CHD1L: variants seen among roughly 807,000 people sequenced by gnomAD.
The protein encoded by CHD1L is ATP-dependent chromatin remodeler CHD1L.
In CHD1L, 118 loss-of-function variants were observed where a neutral mutation model predicts 115.9. The ratio of observed to expected loss-of-function variants is 1.02; its 90% CI spans 0.88 to 1.19. CHD1L has a LOEUF of 1.19. Among genes scored for constraint, CHD1L ranks in the 50% most tolerant of loss-of-function variants. CHD1L has a pLI of 0.00. For missense variants in CHD1L, 1,179 were observed against 1,065.3 expected, an observed-to-expected ratio of 1.11 and a Z score of -1.49; for synonymous variants, 411 against 387.1, an observed-to-expected ratio of 1.06 and a Z score of -0.72.
chr1:147,208,143 GGTGA>G, the CHD1L span, among the ~76,000 whole-genome samples: 5,600 of 152,200 alleles, frequency 0.037, 147 homozygotes, highest in South Asian at 0.095. Context: ...TCCTCAGAAA[GGTGA>G]GTGTTATTTC....
the CHD1L span, chr1:147,209,115 C>T: frequency 7.0e-7 from 1 of 1,423,098 alleles, no homozygotes; most frequent in South Asian, 1.2e-5. Flanking sequence ...AAAGCACCCC[C>T]ATTTTCTTCA....
the CHD1L span, among the ~76,000 whole-genome samples, chr1:147,228,316 A>G: frequency 2.6e-5 from 4 of 152,092 alleles, no homozygotes; most frequent in South Asian, 2.1e-4. Flanking sequence ...AGCTTTATCC[A>G]TGTCCCTACA....
chr1:147,273,183 A>T (rs1473530344), intron 12 of CHD1L, among the ~76,000 whole-genome samples: 1 of 152,130 alleles, frequency 6.6e-6, no homozygotes, highest in Non-Finnish European at 1.5e-5. Flanking sequence ...AGCCTAAGAA[A>T]TTTTTCTCAG....
intron 13 of CHD1L, among the ~76,000 whole-genome samples, chr1:147,275,863 A>G (rs781946296): frequency 1.3e-5 from 2 of 151,822 alleles, no homozygotes; most frequent in Non-Finnish European, 2.9e-5. Context: ...TTGGCTACAG[A>G]TAAGGAATCC....
intron 1 of CHD1L, among the ~76,000 whole-genome samples, chr1:147,245,787 C>A (rs1033415717): frequency 1.3e-5 from 2 of 151,744 alleles, no homozygotes; most frequent in Non-Finnish European, 1.5e-5. Context: ...CAGTGATCCT[C>A]CCACCTCAGC....
the CHD1L span, among the ~76,000 whole-genome samples, chr1:147,233,173 C>T: frequency 2.6e-5 from 4 of 151,040 alleles, no homozygotes; most frequent in African/African-American, 7.3e-5. Flanking sequence ...AGGTGAAGAA[C>T]GTCTCTGCCC....
At chr1:147,234,211 C>G in the CHD1L span, among the ~76,000 whole-genome samples, 1 of 152,184 alleles carries the variant, frequency 6.6e-6, no homozygotes, top group African/African-American at 2.4e-5. Flanking sequence ...AGCGTGGGCT[C>G]CCAGAGCTCG....
At chr1:147,276,871 C>A (rs2102761313) in intron 14 of CHD1L, among the ~76,000 whole-genome samples, 1 of 152,052 alleles carries the variant, frequency 6.6e-6, no homozygotes, top group African/African-American at 2.4e-5. Flanking sequence ...TTGTTTTTGC[C>A]CTAAGGATGA....
At chr1:147,187,390 T>C in the CHD1L span, 2 of 631,060 alleles carry the variant, frequency 3.2e-6, no homozygotes, top group Admixed American at 3.0e-5. Flanking sequence ...CATTGGTCAC[T>C]GTCCTTAAGG....
At chr1:147,295,410 T>G (rs201521304) in intron 22 of CHD1L, 21 bp from the exon 23 acceptor site, 1 of 1,559,262 alleles carries the variant, frequency 6.4e-7, no homozygotes, top group East Asian at 2.2e-5. Flanking sequence ...GACATGTATC[T>G]TCCTTGACCA....
At chr1:147,251,305 G>A (rs1204776981) in intron 1 of CHD1L, among the ~76,000 whole-genome samples, 2 of 152,062 alleles carry the variant, frequency 1.3e-5, no homozygotes, top group African/African-American at 4.8e-5. Context: ...CAGGCCCAAG[G>A]TCCCTAGCCA....
chr1:147,179,546 C>T, the CHD1L span: 1 of 1,585,854 alleles, frequency 6.3e-7, no homozygotes. Flanking sequence ...ATTTTATTAG[C>T]TATCTACAAC....
At chr1:147,244,141 GTTCT>G (rs781932558) in intron 1 of CHD1L, among the ~76,000 whole-genome samples, 3 of 152,182 alleles carry the variant, frequency 2.0e-5, no homozygotes, top group African/African-American at 4.8e-5. Context: ...GTTGGGAATG[GTTCT>G]TTAAGAACTT....
intron 13 of CHD1L, 22 bp from the exon 14 acceptor site, chr1:147,276,082 C>T (rs781998439): frequency 2.5e-6 from 4 of 1,613,170 alleles, no homozygotes; most frequent in East Asian, 4.5e-5. Context: ...TAGCACACTA[C>T]CCTTGTTTGA....
chr1:147,276,438 A>G (rs1347188610), intron 14 of CHD1L, among the ~76,000 whole-genome samples, 181 bp downstream of exon 14: 2 of 152,190 alleles, frequency 1.3e-5, no homozygotes, highest in Non-Finnish European at 2.9e-5. Flanking sequence ...GATTAGTTCC[A>G]AGCCTCATCA....
At chr1:147,220,690 T>G in the CHD1L span, among the ~76,000 whole-genome samples, 1 of 152,196 alleles carries the variant, frequency 6.6e-6, no homozygotes, top group Non-Finnish European at 1.5e-5. Context: ...TTTTAACGCA[T>G]GTTGAGTTGA....
intron 1 of CHD1L, among the ~76,000 whole-genome samples, chr1:147,248,035 A>G (rs1176249284): frequency 7.9e-5 from 12 of 152,318 alleles, no homozygotes; most frequent in African/African-American, 2.9e-4. Flanking sequence ...GCCTTTTGCC[A>G]TATAAGGTCA....
the CHD1L span, chr1:147,186,342 T>C: frequency 1.8e-5 from 18 of 975,282 alleles, no homozygotes; most frequent in African/African-American, 2.6e-4. Context: ...TCAAGTACAC[T>C]AGTGAATAGC....
chr1:147,293,436 G>A (rs587670112), intron 20 of CHD1L, among the ~76,000 whole-genome samples, 172 bp from the exon 21 acceptor site: 5 of 152,226 alleles, frequency 3.3e-5, no homozygotes, highest in East Asian at 3.9e-4. Context: ...GAATTATGAC[G>A]GGATATGAAG....
Sources: allele counts gnomAD v4.1 joint callset (sites outside exome capture counted in the v4.1 genomes callset), GRCh38; gene constraint gnomAD v4.1.1; transcripts MANE v1.5; gene names NCBI Gene and HGNC (gene_info 2026-07-23, HGNC 2026-07-21).